The following IQSEC1 variants were observed in gnomAD, a reference collection of about 807,000 sequenced individuals.
The protein encoded by IQSEC1 is IQ motif and SEC7 domain-containing protein 1.
Under a neutral mutation model 91.0 loss-of-function variants are expected in IQSEC1, and 31 were observed. The ratio of observed to expected loss-of-function variants is 0.34; its 90% CI spans 0.26 to 0.46. The LOEUF is 0.46. IQSEC1 is among the 20% of genes least tolerant of loss of function. The pLI is 1.00. For synonymous variants in IQSEC1, 699 were observed against 662.6 expected (o/e 1.05, Z -0.84); for missense variants, 1,388 against 1,575.6 (o/e 0.88, Z 2.02).
At position 13,223,097 on chromosome 3, in the gene IQSEC1, C is replaced by T. The variant is rs146869195; in HGVS notation, c.273-58964G>A. On this transcript the variant is annotated intron_variant, in intron 1 of 15. Transcript: ENST00000648114. The stretch of plus-strand genomic sequence containing the variant: ...TTGGGCAGGGTTGGGGGAGGTGTGA[C>T]CCATCCAGACCCCCGGCTTGCCCGG... Among the ~76,000 whole-genome samples, 565 of 152,326 alleles carry T rather than the reference C, an allele frequency of 3.7e-3. 4 individuals carry two copies. The highest frequency in any genetic ancestry group is 0.013 in the African/African-American group (547 of 41,570).
At chr3:13,196,237 G>T (rs1694122583) in intron 1 of IQSEC1, among the ~76,000 whole-genome samples, 1 of 152,110 alleles carries the variant, frequency 6.6e-6, no homozygotes, top group African/African-American at 2.4e-5. Context: ...TGCCAACATC[G>T]ACCGAGACAC....
intron 2 of IQSEC1, among the ~76,000 whole-genome samples, chr3:13,112,010 C>T (rs147991658): frequency 6.6e-6 from 1 of 152,288 alleles, no homozygotes; most frequent in African/African-American, 2.4e-5. Context: ...CTTGCCCCAG[C>T]CCCTGCACCC....
chr3:13,038,628 T>A (rs1374248353), intron 1 of IQSEC1, among the ~76,000 whole-genome samples: 6 of 152,100 alleles, frequency 3.9e-5, no homozygotes, highest in Non-Finnish European at 8.8e-5. Context: ...AACTGATTTG[T>A]ACGTCTTAAA....
intron 1 of IQSEC1, among the ~76,000 whole-genome samples, chr3:13,276,180 C>T (rs887953987): frequency 6.1e-5 from 9 of 148,362 alleles, no homozygotes; most frequent in African/African-American, 2.3e-4. Flanking sequence ...GCTCTGCCTC[C>T]CAGGTTCACA....
At chr3:12,936,792 C>T (rs1458502785) in intron 2 of IQSEC1, 95 bp from the exon 3 acceptor site, 9 of 1,276,544 alleles carry the variant, frequency 7.1e-6, no homozygotes, top group South Asian at 1.5e-5. Flanking sequence ...CGTGGCTGTG[C>T]GACCTGGGAA....
At chr3:13,281,030 C>T (rs936207554) in intron 1 of IQSEC1, among the ~76,000 whole-genome samples, 4 of 152,242 alleles carry the variant, frequency 2.6e-5, no homozygotes, top group African/African-American at 7.2e-5. Context: ...CTGTCCCCTG[C>T]GTGGTCACCA....
rs374363133 is a variant in IQSEC1, at chr3:13,016,925, C to T, written c.23+56067G>A. ...CCTGGATCACGGCAAACCTACCTCC[C>T]GTCTCTATAGATTTGCCTGTTCTGG... On this transcript the variant is annotated intron_variant, in intron 1 of 13. Transcript: ENST00000613206. Among the ~76,000 whole-genome samples the T allele has an allele frequency of 1.2e-4, 19 of 152,198 alleles. 1 individual carries two copies. The highest frequency in any genetic ancestry group is 5.8e-4 in the East Asian group (3 of 5,198).
rs368090162 is a variant in IQSEC1 at position 13,165,517 on chromosome 3, G to C, written c.273-1384C>G. Reference sequence around the variant, plus strand: ...GGACAGAAAAGAAAGCAAGCGGGGGGGTGGGGGGTGGGGGGGTGGCGTGTG... The same window carrying C: ...GGACAGAAAAGAAAGCAAGCGGGGGCGTGGGGGGTGGGGGGGTGGCGTGTG... On this transcript the variant is annotated intron_variant, in intron 1 of 15. Coordinates refer to the IQSEC1 transcript ENST00000648114. Among the ~76,000 whole-genome samples the C allele has an allele frequency of 8.8e-5, 10 of 113,668 alleles. 1 individual carries two copies. The East Asian group carries it at 3.2e-3, about 36-fold the overall frequency. The allele number at this position is 113,668 out of a possible 152,430, so 74.6% of individuals were successfully genotyped here. A position where few individuals can be genotyped will look rare whatever the true frequency, so the allele number is the denominator to read the frequency against.
intron 2 of IQSEC1, among the ~76,000 whole-genome samples, chr3:13,094,090 G>A (rs368122554): frequency 6.6e-6 from 1 of 152,160 alleles, no homozygotes; most frequent in East Asian, 1.9e-4. Context: ...CAAGAATGAA[G>A]AAACAGGGCT....
chr3:13,107,057 A>G (rs6802414), intron 2 of IQSEC1, among the ~76,000 whole-genome samples: 1 of 152,240 alleles, frequency 6.6e-6, no homozygotes, highest in Non-Finnish European at 1.5e-5. Flanking sequence ...GTGAGACACC[A>G]CAAAGCTGGC....
At chr3:12,990,099 T>C (rs959926026) in intron 1 of IQSEC1, among the ~76,000 whole-genome samples, 1 of 152,228 alleles carries the variant, frequency 6.6e-6, no homozygotes, top group African/African-American at 2.4e-5. Context: ...CCTCGGCACT[T>C]GGCTTTATTA....
intron 2 of IQSEC1, among the ~76,000 whole-genome samples, chr3:13,123,150 A>C (rs1706451813): frequency 1.3e-5 from 2 of 152,224 alleles, no homozygotes. Context: ...TCCAGCCAAG[A>C]AGGCTTTGCA....
At chr3:13,147,833 A>G (rs911470323) in intron 2 of IQSEC1, among the ~76,000 whole-genome samples, 98 of 152,304 alleles carry the variant, frequency 6.4e-4, no homozygotes, top group African/African-American at 2.3e-3. Flanking sequence ...AGGTTTCACC[A>G]TGTTGGCCAG....
intron 2 of IQSEC1, among the ~76,000 whole-genome samples, chr3:13,140,095 C>A (rs1253596907): frequency 6.6e-6 from 1 of 152,198 alleles, no homozygotes; most frequent in African/African-American, 2.4e-5. Context: ...CCCCAGCAAG[C>A]TCCCCACCTG....
At chr3:13,102,044 G>A (rs1159266697) in intron 2 of IQSEC1, among the ~76,000 whole-genome samples, 1 of 152,158 alleles carries the variant, frequency 6.6e-6, no homozygotes, top group Non-Finnish European at 1.5e-5. Context: ...TTGGGAGGCT[G>A]AGGCAAGTGG....
intron 1 of IQSEC1, among the ~76,000 whole-genome samples, chr3:12,984,981 C>T (rs1207921381): frequency 2.6e-5 from 4 of 151,692 alleles, no homozygotes; most frequent in South Asian, 4.2e-4. Flanking sequence ...CCCACCACCA[C>T]GCCCGGCTAA....
chr3:13,113,450 G>A (rs989386321), intron 2 of IQSEC1, among the ~76,000 whole-genome samples: 4 of 152,226 alleles, frequency 2.6e-5, no homozygotes, highest in Non-Finnish European at 5.9e-5. Context: ...CCAGGGTGCT[G>A]TGTGAAGATG....
intron 1 of IQSEC1, among the ~76,000 whole-genome samples, chr3:12,958,706 T>A (rs1263018206): frequency 6.6e-6 from 1 of 152,208 alleles, no homozygotes; most frequent in African/African-American, 2.4e-5. Flanking sequence ...GGCTGGGATG[T>A]GGCCATGCCT....
At chr3:13,100,052 C>T (rs529710230) in intron 2 of IQSEC1, among the ~76,000 whole-genome samples, 4 of 134,220 alleles carry the variant, frequency 3.0e-5, no homozygotes, top group South Asian at 2.2e-4. Context: ...GGGAGAGTTC[C>T]GAGTAGGAGG....
Sources: gnomAD v4.1 joint callset for allele counts (sites outside exome capture counted in the v4.1 genomes callset) on GRCh38, gnomAD v4.1.1 for gene constraint, MANE v1.5 for transcripts, NCBI Gene and HGNC (gene_info 2026-07-23, HGNC 2026-07-21) for gene names.